Variants in PIEZO2 observed in about 807,000 individuals in gnomAD.
PIEZO2 encodes the protein piezo type mechanosensitive ion channel component 2, also known as piezo-type mechanosensitive ion channel component 2.
A neutral mutation model predicts 337.3 loss-of-function variants in PIEZO2; 172 were observed. The ratio of observed to expected loss-of-function variants is 0.51; its 90% CI spans 0.45 to 0.58. The LOEUF (loss-of-function observed/expected upper bound fraction) is 0.58, where lower values mean the gene tolerates loss of function less well. Among genes scored for constraint, PIEZO2 ranks in the 20% least tolerant of loss-of-function variants. PIEZO2 has a pLI of 0.00. For missense variants in PIEZO2, 3,028 were observed against 3,391.3 expected, an observed-to-expected ratio of 0.89 and a Z score of 2.66; for synonymous variants, 1,251 against 1,228.5, an observed-to-expected ratio of 1.02 and a Z score of -0.38.
chr18:10,751,611 C>T (rs925101573), intron 28 of PIEZO2, among the ~76,000 whole-genome samples: 3 of 152,174 alleles, frequency 2.0e-5, no homozygotes, highest in African/African-American at 7.2e-5. Context: ...ACGTGCCCCC[C>T]CGAAAATCAA....
At chr18:10,865,924 T>A (rs1460440756) in intron 5 of PIEZO2, among the ~76,000 whole-genome samples, 2 of 152,318 alleles carry the variant, frequency 1.3e-5, no homozygotes, top group South Asian at 2.1e-4. Flanking sequence ...GTATTTGTGG[T>A]TATTTGCAAT....
intron 7 of PIEZO2, among the ~76,000 whole-genome samples, chr18:10,836,916 G>T (rs78779458): frequency 0.082 from 12,462 of 152,140 alleles, 598 homozygotes; most frequent in African/African-American, 0.11. Flanking sequence ...TTAATATTTG[G>T]TTTTTTGCCA....
intron 1 of PIEZO2, among the ~76,000 whole-genome samples, chr18:11,108,475 G>A (rs1411961900): frequency 5.9e-5 from 9 of 151,468 alleles, no homozygotes; most frequent in South Asian, 2.1e-4. Flanking sequence ...GTAGCCGGGC[G>A]CGGTGGCGGG....
At chr18:11,059,405 A>G (rs1443519382) in intron 2 of PIEZO2, among the ~76,000 whole-genome samples, 2 of 152,224 alleles carry the variant, frequency 1.3e-5, no homozygotes, top group African/African-American at 2.4e-5. Flanking sequence ...CACACATAAC[A>G]ATATTAACCT....
intron 2 of PIEZO2, among the ~76,000 whole-genome samples, chr18:11,053,747 C>T (rs1475039248): frequency 2.0e-5 from 3 of 152,140 alleles, no homozygotes; most frequent in East Asian, 3.9e-4. Context: ...CTTAATACCT[C>T]GGGCTGGGTG....
In PIEZO2 at chr18:11,096,674, C is replaced by T. The variant is rs2039271315; in HGVS notation, c.65-30452G>A. Among the ~76,000 whole-genome samples the T allele has an allele frequency of 1.3e-5, 2 of 152,198 alleles. No individual in the cohort carries two copies. The highest frequency in any genetic ancestry group is 4.1e-4 in the South Asian group (2 of 4,820). On this transcript the variant is annotated intron_variant, in intron 1 of 55. Transcript: ENST00000674853. This position sits in a 1 kb window ranked among gnomAD's most constrained non-coding sequence, Gnocchi z 4.6. ...CCACCCAACACACACACGTATCTAC[C>T]TCTTGTCTTTCAAGGAGATATATCT...
rs182531179 is a variant in PIEZO2 at position 10,871,165 on chromosome 18, C to T, written c.492+88G>A. On this transcript the variant is annotated intron_variant, in intron 5 of 55. Coordinates refer to ENST00000674853, the MANE Select transcript of PIEZO2 (RefSeq NM_001378183.1). ...TGTGAATCATAACGTGCTCTGTATG[C>T]TCAGCTGTTATTATCATAGTTCTGC... is the stretch of plus-strand genomic sequence containing the variant. The T allele has an allele frequency of 2.2e-5, 29 of 1,310,038 alleles. No individual in the cohort carries two copies. In the East Asian group the frequency reaches 6.9e-4, roughly 31 times the overall value. The allele number at this position is 1,310,038 out of a possible 1,614,324, so 81.2% of individuals were successfully genotyped here.
intron 2 of PIEZO2, among the ~76,000 whole-genome samples, chr18:11,044,247 T>C (rs1247615183): frequency 6.6e-6 from 1 of 151,178 alleles, no homozygotes; most frequent in African/African-American, 2.4e-5. Context: ...GAAATTGTTG[T>C]ATTATAACAA....
In PIEZO2 at chr18:10,942,124, T is replaced by C. The variant is rs2032760083; in HGVS notation, c.287-30896A>G. Among the ~76,000 whole-genome samples, 2 of 152,242 alleles carry C rather than the reference T, an allele frequency of 1.3e-5. No homozygotes were observed. The highest frequency in any genetic ancestry group is 6.5e-5 in the Admixed American group (1 of 15,274). ...GTAAGTCCAATAAACCTCTTTCTTT[T>C]GTAAAATGCCTAGTCTCTGGAATGT... is the stretch of plus-strand genomic sequence containing the variant. On this transcript the variant is annotated intron_variant, in intron 3 of 55. Coordinates refer to ENST00000674853, the MANE Select transcript of PIEZO2 (RefSeq NM_001378183.1). This position sits in a 1 kb window ranked among gnomAD's most constrained non-coding sequence, Gnocchi z 4.4.
intron 7 of PIEZO2, among the ~76,000 whole-genome samples, chr18:10,826,648 C>T (rs2040686478): frequency 6.6e-6 from 1 of 152,148 alleles, no homozygotes; most frequent in African/African-American, 2.4e-5. Context: ...TGTTTATATG[C>T]TTACATTTTT....
chr18:10,758,239 T>A, intron 26 of PIEZO2, 105 bp from the exon 27 acceptor site: 1 of 1,277,064 alleles, frequency 7.8e-7, no homozygotes, highest in Non-Finnish European at 1.1e-6. Flanking sequence ...AGCTCCTAAG[T>A]GAGTTGTGTT....
rs1214104249 is a variant in PIEZO2 at position 11,132,894 on chromosome 18, A to G, written c.64+15631T>C. On this transcript the variant is annotated intron_variant, in intron 1 of 55. Coordinates refer to ENST00000674853, the MANE Select transcript of PIEZO2 (RefSeq NM_001378183.1). The surrounding 1 kb of genome is among the most constrained non-coding windows in gnomAD (Gnocchi z 4.7). ...TTACCATGCTCTGTGATTAAGGTCAATGGGAAACTACAACAGCCCAAACCA... is the reference window on the plus strand; with the variant it reads ...TTACCATGCTCTGTGATTAAGGTCAGTGGGAAACTACAACAGCCCAAACCA... Among the ~76,000 whole-genome samples, 8 of 152,144 alleles carry G rather than the reference A, an allele frequency of 5.3e-5. No homozygotes were observed. The highest frequency in any genetic ancestry group is 1.9e-4 in the East Asian group (1 of 5,184).
intron 10 of PIEZO2, 148 bp downstream of exon 10, chr18:10,801,242 A>ATTAT (rs2039803164): frequency 3.4e-6 from 2 of 589,250 alleles, no homozygotes; most frequent in South Asian, 5.7e-5. Context: ...ATTTAACAGC[A>ATTAT]ATCTACCAGA....
In PIEZO2 at chr18:10,806,870, G is replaced by A. The variant is rs528209067; in HGVS notation, c.1080+242C>T. Among the ~76,000 whole-genome samples the A allele has an allele frequency of 5.9e-5, 9 of 152,256 alleles. No homozygotes were observed. In the South Asian group the frequency reaches 6.2e-4, roughly 11 times the overall value. On this transcript the variant is annotated intron_variant, in intron 8 of 55. Coordinates refer to ENST00000674853, the MANE Select transcript of PIEZO2 (RefSeq NM_001378183.1). The stretch of plus-strand genomic sequence containing the variant: ...AGTGATCAGCAAAAATGAGTCTTCT[G>A]TTCTTCTCACTGCCTGCCATTCTTA...
At chr18:10,805,718 A>G (rs780220378) in intron 8 of PIEZO2, among the ~76,000 whole-genome samples, 1 of 152,228 alleles carries the variant, frequency 6.6e-6, no homozygotes, top group Non-Finnish European at 1.5e-5. Flanking sequence ...TTTTGTTACT[A>G]TACAACTGTC....
intron 3 of PIEZO2, among the ~76,000 whole-genome samples, chr18:10,965,858 C>G (rs904277896): frequency 6.6e-6 from 1 of 151,948 alleles, no homozygotes; most frequent in Admixed American, 6.6e-5. Context: ...TACTTTTCAC[C>G]CAGGTTTGAT....
Position 10,713,126 on chromosome 18 carries a change from T to G in PIEZO2, c.5423+1638A>C, listed in dbSNP as rs1262951748. On this transcript the variant is annotated intron_variant, in intron 39 of 55. Coordinates refer to ENST00000674853, the MANE Select transcript of PIEZO2 (RefSeq NM_001378183.1). This position sits in a 1 kb window ranked among gnomAD's most constrained non-coding sequence, Gnocchi z 4.5. The stretch of plus-strand genomic sequence containing the variant: ...CTAAATCAATCTAGGCATGAATATA[T>G]ATATTTTAAATTAGGCTTAGCATAC... Among the ~76,000 whole-genome samples, 1 of 152,210 alleles carries G rather than the reference T, an allele frequency of 6.6e-6. No homozygotes were observed. Among genetic ancestry groups the G allele is most frequent in the African/African-American group, 2.4e-5 (1 of 41,448 alleles).
intron 2 of PIEZO2, among the ~76,000 whole-genome samples, chr18:11,024,062 T>C (rs1412910739): frequency 6.6e-6 from 1 of 152,144 alleles, no homozygotes; most frequent in African/African-American, 2.4e-5. Context: ...GGGAGCTGGC[T>C]CCGGCCTTGG....
chr18:10,729,496 C>T (rs920907244), intron 36 of PIEZO2, among the ~76,000 whole-genome samples: 9 of 151,908 alleles, frequency 5.9e-5, no homozygotes, highest in African/African-American at 9.7e-5. Flanking sequence ...TGGTGGTGTG[C>T]GCCTATAGTC....
Sources: gnomAD v4.1 joint callset for allele counts (sites outside exome capture counted in the v4.1 genomes callset) on GRCh38, gnomAD v4.1.1 for gene constraint, Gnocchi (gnomAD v3.1) non-coding constraint, MANE v1.5 for transcripts, NCBI Gene and HGNC (gene_info 2026-07-23, HGNC 2026-07-21) for gene names.